Variants in VRK1 observed in about 807,000 individuals in gnomAD.
VRK1 encodes VRK serine/threonine kinase 1.
In VRK1, 33 loss-of-function variants were observed where a neutral mutation model predicts 57.1. That is an observed-to-expected ratio of 0.58 (90% CI 0.44 to 0.77). The LOEUF is 0.77. Ranked by LOEUF, VRK1 falls within the 30% of genes least tolerant of loss-of-function variation. The pLI, the probability that VRK1 is intolerant of heterozygous loss-of-function variation, is 0.00. For missense variants in VRK1, 413 were observed against 477.3 expected (o/e 0.87, Z 1.25); for synonymous variants, 137 against 147.8 (o/e 0.93, Z 0.53).
chr14:96,800,049 G>GA (rs1329571562), intron 1 of VRK1, among the ~76,000 whole-genome samples: 1 of 150,834 alleles, frequency 6.6e-6, no homozygotes, highest in Non-Finnish European at 1.5e-5. Context: ...TTAAAATGTA[G>GA]AAAATGTTTA....
intron 5 of VRK1, among the ~76,000 whole-genome samples, chr14:96,851,458 T>C (rs1252440025): frequency 6.6e-6 from 1 of 152,146 alleles, no homozygotes; most frequent in African/African-American, 2.4e-5. Flanking sequence ...ACTAATTTTA[T>C]AACCTTGGAC....
intron 1 of VRK1, among the ~76,000 whole-genome samples, chr14:96,809,979 C>G (rs1297525950): frequency 1.3e-5 from 2 of 152,174 alleles, no homozygotes; most frequent in Non-Finnish European, 2.9e-5. Flanking sequence ...AGCTTTGCTT[C>G]CCTTGATATT....
At chr14:96,819,529 C>G (rs922839061) in intron 1 of VRK1, among the ~76,000 whole-genome samples, 2 of 152,234 alleles carry the variant, frequency 1.3e-5, no homozygotes, top group African/African-American at 4.8e-5. Flanking sequence ...TAGGTTGGTG[C>G]ACAAATAATT....
chr14:96,877,570 G>A (rs1380973362), intron 12 of VRK1: 8 of 1,289,528 alleles, frequency 6.2e-6, no homozygotes, highest in Non-Finnish European at 8.1e-6. Context: ...CAGCAGCTAT[G>A]ACAGTGAGTG....
intron 1 of VRK1, among the ~76,000 whole-genome samples, chr14:96,813,799 C>G (rs2139701973): frequency 6.6e-6 from 1 of 152,222 alleles, no homozygotes; most frequent in East Asian, 1.9e-4. Flanking sequence ...ATTTATTCTG[C>G]AGTATGTGCT....
intron 1 of VRK1, among the ~76,000 whole-genome samples, chr14:96,817,333 G>A (rs925366838): frequency 7.3e-5 from 11 of 151,602 alleles, no homozygotes; most frequent in African/African-American, 2.7e-4. Context: ...ATGTTTTGCA[G>A]GTATTTTTAA....
chr14:96,853,299 A>T, intron 7 of VRK1, 133 bp downstream of exon 7: 1 of 762,194 alleles, frequency 1.3e-6, no homozygotes, highest in East Asian at 2.7e-5. Context: ...TCTTCTTGAC[A>T]CTTTGATCTA....
rs146973955 is a variant in VRK1, at chr14:96,833,537, A to G, written c.66A>G (p.Gln22=). The G allele has an allele frequency of 7.1e-5, 115 of 1,613,732 alleles. No individual in the cohort carries two copies. Among genetic ancestry groups the G allele is most frequent in the Non-Finnish European group, 9.0e-5 (106 of 1,179,814 alleles). The change falls in exon 2 of 13, where the codon CAA becomes CAG. Residue 22 remains glutamine (Q), a synonymous_variant. Transcript: ENST00000216639. ...QSSAKRHLAE[Q]FAVGEIITDM... Reference sequence around the variant, plus strand: ...CTGCAAAGAGACATCTTGCAGAACAATTTGCAGTTGGAGAGATAATAACTG... The same window carrying G: ...CTGCAAAGAGACATCTTGCAGAACAGTTTGCAGTTGGAGAGATAATAACTG...
chr14:96,820,942 C>G (rs1223231805), intron 1 of VRK1, among the ~76,000 whole-genome samples: 2 of 152,150 alleles, frequency 1.3e-5, no homozygotes, highest in Admixed American at 1.3e-4. Context: ...TAAACACTTG[C>G]ATCATTGGAA....
chr14:96,807,402 A>G (rs1409395152), intron 1 of VRK1, among the ~76,000 whole-genome samples: 1 of 152,196 alleles, frequency 6.6e-6, no homozygotes, highest in African/African-American at 2.4e-5. Context: ...TTCATTAGCT[A>G]TTCCTTACAT....
At chr14:96,836,894 C>T (rs911760258) in intron 2 of VRK1, among the ~76,000 whole-genome samples, 1 of 152,082 alleles carries the variant, frequency 6.6e-6, no homozygotes, top group African/African-American at 2.4e-5. Context: ...ATGGCTTATT[C>T]CCTTCCTGCT....
chr14:96,824,931 G>A (rs1182093073), intron 1 of VRK1, among the ~76,000 whole-genome samples: 1 of 152,148 alleles, frequency 6.6e-6, no homozygotes, highest in African/African-American at 2.4e-5. Flanking sequence ...GAGATTACAG[G>A]TGTGAGCCAC....
intron 3 of VRK1, 40 bp downstream of exon 3, chr14:96,837,857 T>G (rs949432092): frequency 6.7e-7 from 1 of 1,483,878 alleles, no homozygotes; most frequent in Non-Finnish European, 9.1e-7. Flanking sequence ...TTTCTGTTGA[T>G]TTGGTGTAGT....
intron 12 of VRK1, among the ~76,000 whole-genome samples, chr14:96,877,957 GAGTAT>G (rs1312882601): frequency 6.6e-6 from 1 of 152,068 alleles, no homozygotes; most frequent in Non-Finnish European, 1.5e-5. Flanking sequence ...AATGACAAAA[GAGTAT>G]AGTAAAGTCA....
intron 5 of VRK1, among the ~76,000 whole-genome samples, 178 bp from the exon 6 acceptor site, chr14:96,852,653 A>G (rs1050508091): frequency 9.2e-5 from 14 of 152,120 alleles, no homozygotes; most frequent in African/African-American, 3.1e-4. Flanking sequence ...ACCTGAAAGC[A>G]CTCTGAACTC....
chr14:96,806,742 C>T (rs1041794480), intron 1 of VRK1, among the ~76,000 whole-genome samples: 1 of 152,046 alleles, frequency 6.6e-6, no homozygotes, highest in African/African-American at 2.4e-5. Context: ...TTTGATATAC[C>T]TGAAGGTATT....
intron 10 of VRK1, among the ~76,000 whole-genome samples, chr14:96,857,249 G>T (rs1362359432): frequency 6.6e-6 from 1 of 151,732 alleles, no homozygotes; most frequent in African/African-American, 2.4e-5. Flanking sequence ...AGAAAACAGG[G>T]AATAGAATTA....
At chr14:96,799,429 C>G (rs1337701887) in intron 1 of VRK1, among the ~76,000 whole-genome samples, 1 of 151,380 alleles carries the variant, frequency 6.6e-6, no homozygotes, top group Non-Finnish European at 1.5e-5. Flanking sequence ...ATTTTGACAG[C>G]TATATTTTTT....
Position 96,830,761 on chromosome 14 carries a change from G to A in VRK1, c.-5-2706G>A, listed in dbSNP as rs148255613. On this transcript the variant is annotated intron_variant, in intron 1 of 12. Coordinates refer to ENST00000216639, the MANE Select transcript of VRK1 (RefSeq NM_003384.3). ...TATGCAATTAGTTTTAGATAGTCTG[G>A]TTCAGGGTGAGTGTATGTCATTCTC... 2.7e-3 allele frequency among the ~76,000 whole-genome samples: 415 copies of A among 152,230 alleles called. 8 individuals carry two copies. In the East Asian group the frequency reaches 0.056, roughly 21 times the overall value.
Sources: allele counts gnomAD v4.1 joint callset (sites outside exome capture counted in the v4.1 genomes callset), GRCh38; gene constraint gnomAD v4.1.1; transcripts MANE v1.5; gene names NCBI Gene and HGNC (gene_info 2026-07-23, HGNC 2026-07-21).